YIPF4: variants seen among roughly 807,000 people sequenced by gnomAD.
The protein encoded by YIPF4 is Yip1 domain family member 4.
Under a neutral mutation model 29.4 loss-of-function variants are expected in YIPF4, and 18 were observed. The observed-to-expected ratio is 0.61, with a 90% CI of 0.42 to 0.91. YIPF4 has a LOEUF of 0.91. Ranked by LOEUF, YIPF4 falls within the 40% of genes least tolerant of loss-of-function variation. The pLI, the probability that YIPF4 is intolerant of heterozygous loss-of-function variation, is 0.00. For missense variants in YIPF4, 279 were observed against 282.7 expected (o/e 0.99, Z 0.09); for synonymous variants, 115 against 104.7 (o/e 1.10, Z -0.60).
intron 5 of YIPF4, among the ~76,000 whole-genome samples, chr2:32,304,389 GTA>G (rs2031507396): frequency 6.7e-6 from 1 of 150,320 alleles, no homozygotes; most frequent in African/African-American, 2.4e-5. Flanking sequence ...GTACTTTTGT[GTA>G]TGTTTGAATT....
At chr2:32,281,757 C>T (rs997826217) in intron 1 of YIPF4, among the ~76,000 whole-genome samples, 2 of 151,908 alleles carry the variant, frequency 1.3e-5, no homozygotes, top group Non-Finnish European at 2.9e-5. Flanking sequence ...GGCATGGTGG[C>T]ACGCACCTGC....
In YIPF4 at chr2:32,307,003, G is replaced by A. The variant is rs1039225385; in HGVS notation, c.*1377G>A. 41 of 765,198 alleles carry A rather than the reference G, an allele frequency of 5.4e-5. No individual in the cohort carries two copies. Among genetic ancestry groups the A allele is most frequent in the Admixed American group, 5.1e-4 (13 of 25,560 alleles). The allele number at this position is 765,198 out of a possible 1,614,324, so 47.4% of individuals were successfully genotyped here. A position where few individuals can be genotyped will look rare whatever the true frequency, so the allele number is the denominator to read the frequency against. ...GTCTTCCTTTCCCCTAATCCCAAAA[G>A]GAAAGAAAGAAAAACTTATTTTAAG... On this transcript the variant is annotated 3_prime_UTR_variant, in exon 6 of 6. Coordinates refer to ENST00000238831, the MANE Select transcript of YIPF4 (RefSeq NM_032312.4).
intron 5 of YIPF4, among the ~76,000 whole-genome samples, chr2:32,302,259 G>C (rs1164972213): frequency 6.7e-6 from 1 of 149,998 alleles, no homozygotes; most frequent in Non-Finnish European, 1.5e-5. Flanking sequence ...TCGAACTCCT[G>C]ACCTTGTGAT....
chr2:32,290,419 C>A lies in YIPF4; in HGVS notation c.80-64C>A, dbSNP rs921858712. On this transcript the variant is annotated intron_variant, in intron 1 of 5. Transcript: ENST00000238831. Reference sequence around the variant, plus strand: ...TAATTATTTTAGTTGAATATCTGCTCACTTTGGTTAAGATTCACATGTTGT... The same window carrying A: ...TAATTATTTTAGTTGAATATCTGCTAACTTTGGTTAAGATTCACATGTTGT... 9.1e-6 allele frequency: 11 copies of A among 1,208,736 alleles called. No individual in the cohort carries two copies. In the Admixed American group the frequency reaches 1.5e-4, roughly 16 times the overall value. The allele number at this position is 1,208,736 out of a possible 1,614,324, so 74.9% of individuals were successfully genotyped here. A position where few individuals can be genotyped will look rare whatever the true frequency, so the allele number is the denominator to read the frequency against.
chr2:32,298,976 C>T (rs2031297518), intron 4 of YIPF4, among the ~76,000 whole-genome samples: 1 of 151,930 alleles, frequency 6.6e-6, no homozygotes, highest in African/African-American at 2.4e-5. Flanking sequence ...CTCCTGGGTT[C>T]AAGCGATTCT....
chr2:32,278,197 C>T lies in YIPF4; in HGVS notation c.42C>T (p.Asn14=), dbSNP rs1304158161. Reference sequence around the variant, plus strand: ...CGCCCCCGGCCTATGCCCCCACTAACGGGGACTTCACCTTTGTCTCCTCAG... The same window carrying T: ...CGCCCCCGGCCTATGCCCCCACTAATGGGGACTTCACCTTTGTCTCCTCAG... ...PGPPPAYAPT[N]GDFTFVSSAD... Residue 14 remains asparagine (N), a synonymous_variant, in exon 1 of 6, where the codon AAC becomes AAT. Transcript: ENST00000238831. 6.4e-7 allele frequency: 1 copy of T among 1,574,632 alleles called. No homozygotes were observed. Among genetic ancestry groups the T allele is most frequent in the Non-Finnish European group, 8.6e-7 (1 of 1,160,724 alleles).
At chr2:32,301,188 C>T (rs2031390536) in intron 4 of YIPF4, among the ~76,000 whole-genome samples, 194 bp from the exon 5 acceptor site, 1 of 152,074 alleles carries the variant, frequency 6.6e-6, no homozygotes, top group Non-Finnish European at 1.5e-5. Context: ...TAATTGAAAC[C>T]ATGTTGGTTG....
intron 4 of YIPF4, among the ~76,000 whole-genome samples, chr2:32,300,196 G>A (rs557938519): frequency 7.7e-4 from 118 of 152,264 alleles, no homozygotes; most frequent in Non-Finnish European, 1.3e-3. Context: ...AACCCGGGAG[G>A]CGGAGGTTGT....
chr2:32,294,931 G>A (rs1350621500), intron 3 of YIPF4, among the ~76,000 whole-genome samples: 1 of 152,176 alleles, frequency 6.6e-6, no homozygotes, highest in Non-Finnish European at 1.5e-5. Context: ...GTCAGGCGTG[G>A]CGGCGTGCGC....
intron 2 of YIPF4, 142 bp from the exon 3 acceptor site, chr2:32,292,035 A>C (rs904427256): frequency 8.2e-5 from 40 of 485,022 alleles, no homozygotes; most frequent in Non-Finnish European, 9.0e-5. Context: ...GAATTAGTGA[A>C]ATGTGGCACT....
intron 3 of YIPF4, among the ~76,000 whole-genome samples, chr2:32,297,357 G>T (rs976024991): frequency 6.6e-6 from 1 of 151,974 alleles, no homozygotes; most frequent in African/African-American, 2.4e-5. Context: ...CCGACCTCAG[G>T]TTATCTGCCT....
chr2:32,296,923 G>A (rs962144948), intron 3 of YIPF4, among the ~76,000 whole-genome samples: 1 of 152,080 alleles, frequency 6.6e-6, no homozygotes, highest in African/African-American at 2.4e-5. Flanking sequence ...TTTTATTTGA[G>A]TTATAATCCA....
chr2:32,316,042 C>CAAAAAAAAAAAAAA lies in YIPF4; in HGVS notation c.*10418_*10431dup, dbSNP rs1024666738. ...CCAAAAAGGAAAAAAAAAAAAAAAC[C>CAAAAAAAAAAAAAA]AAAAAAAAAAAAAAAGTATAAAGCA... On this transcript the variant is annotated 3_prime_UTR_variant, in exon 6 of 6. Coordinates refer to ENST00000238831, the MANE Select transcript of YIPF4 (RefSeq NM_032312.4). 1 of 104,278 alleles carries CAAAAAAAAAAAAAA rather than the reference C, an allele frequency of 9.6e-6. No homozygotes were observed. Among genetic ancestry groups the CAAAAAAAAAAAAAA allele is most frequent in the Non-Finnish European group, 2.1e-5 (1 of 48,228 alleles). 6.5% of individuals were successfully genotyped at this position (104,278 alleles called of 1,614,324 possible).
rs1247535503 is a variant in YIPF4, at chr2:32,313,472, A to G, written c.*7846A>G. On this transcript the variant is annotated 3_prime_UTR_variant, in exon 6 of 6. Transcript: ENST00000238831. ...AACCTCTGCCTCCCAGGTTCAAGTG[A>G]TTCTCCTGCCTCAGCCTCCCAAGTA... 6.6e-6 allele frequency: 1 copy of G among 151,588 alleles called. No homozygotes were observed. The highest frequency in any genetic ancestry group is 2.4e-5 in the African/African-American group (1 of 41,194). The allele number at this position is 151,588 out of a possible 1,614,324, so 9.4% of individuals were successfully genotyped here.
At chr2:32,278,289 C>T (rs2030203805) in intron 1 of YIPF4, 55 bp downstream of exon 1, 4 of 1,495,946 alleles carry the variant, frequency 2.7e-6, no homozygotes, top group Non-Finnish European at 3.6e-6. Context: ...GGCCCGACGC[C>T]GTAGGGTCTT....
In YIPF4 at chr2:32,278,052, A is replaced by G; in HGVS notation, c.-104A>G. 1.0e-6 allele frequency: 1 copy of G among 1,003,520 alleles called. No homozygotes were observed. The highest frequency in any genetic ancestry group is 1.4e-6 in the Non-Finnish European group (1 of 695,690). The allele number at this position is 1,003,520 out of a possible 1,614,324, so 62.2% of individuals were successfully genotyped here. Reference sequence around the variant, plus strand: ...TCGCAGCTTGCACGTCGAGACTCGTAGGCCGCACCGTAGGGCGAGCGTGCG... The same window carrying G: ...TCGCAGCTTGCACGTCGAGACTCGTGGGCCGCACCGTAGGGCGAGCGTGCG... On this transcript the variant is annotated 5_prime_UTR_variant, in exon 1 of 6. Coordinates refer to ENST00000238831, the MANE Select transcript of YIPF4 (RefSeq NM_032312.4).
Position 32,307,201 on chromosome 2 carries a change from C to T in YIPF4, c.*1575C>T. 1 of 1,170,216 alleles carries T rather than the reference C, an allele frequency of 8.5e-7. No homozygotes were observed. The highest frequency in any genetic ancestry group is 1.4e-5 in the South Asian group (1 of 71,474). 72.5% of individuals were successfully genotyped at this position (1,170,216 alleles called of 1,614,324 possible). A position where few individuals can be genotyped will look rare whatever the true frequency, so the allele number is the denominator to read the frequency against. On this transcript the variant is annotated 3_prime_UTR_variant, in exon 6 of 6. Coordinates refer to ENST00000238831, the MANE Select transcript of YIPF4 (RefSeq NM_032312.4). ...ACAGAAGCAGCAACCGTAAGATAAA[C>T]ATTTGTTACACTTAAGAAATTGCTG... is the stretch of plus-strand genomic sequence containing the variant.
intron 5 of YIPF4, among the ~76,000 whole-genome samples, chr2:32,303,037 T>A: frequency 6.6e-6 from 1 of 152,202 alleles, no homozygotes; most frequent in East Asian, 1.9e-4. Flanking sequence ...AATGGTAAAC[T>A]TAACTATATT....
At position 32,313,410 on chromosome 2, in the gene YIPF4, G is replaced by C. The variant is rs398574; in HGVS notation, c.*7784G>C. On this transcript the variant is annotated 3_prime_UTR_variant, in exon 6 of 6. Transcript: ENST00000238831. ...TGAGATGGAGTCTCGCTGTCTCGCT[G>C]AGGCTGGAGTGCAGTGGTGCAATCT... 0.99 allele frequency: 150,608 copies of C among 152,316 alleles called. 74,468 individuals are homozygous for C. Among genetic ancestry groups the C allele is most frequent in the East Asian group, 1 (5,174 of 5,174 alleles). 9.4% of individuals were successfully genotyped at this position (152,316 alleles called of 1,614,324 possible).
Sources: gnomAD v4.1 joint callset for allele counts (sites outside exome capture counted in the v4.1 genomes callset) on GRCh38, gnomAD v4.1.1 for gene constraint, MANE v1.5 for transcripts, NCBI Gene and HGNC (gene_info 2026-07-23, HGNC 2026-07-21) for gene names.